Variants in ZBTB8B observed in about 807,000 individuals in gnomAD.
ZBTB8B encodes zinc finger and BTB domain-containing protein 8B.
Under a neutral mutation model 30.3 loss-of-function variants are expected in ZBTB8B, and 17 were observed. That is an observed-to-expected ratio of 0.56 (90% CI 0.38 to 0.84). The LOEUF is 0.84. ZBTB8B is among the 40% of genes least tolerant of loss of function. The probability of loss-of-function intolerance (pLI) is 0.00; values close to 1 mark genes in which losing one functional copy is unlikely to be tolerated. For synonymous variants in ZBTB8B, 248 were observed against 255.6 expected, an observed-to-expected ratio of 0.97 and a Z score of 0.28; for missense variants, 515 against 644.9, an observed-to-expected ratio of 0.80 and a Z score of 2.18.
At chr1:32,469,818 T>C (rs1328468764) in intron 1 of ZBTB8B, among the ~76,000 whole-genome samples, 1 of 152,206 alleles carries the variant, frequency 6.6e-6, no homozygotes, top group Non-Finnish European at 1.5e-5. Flanking sequence ...CAATTAGCTA[T>C]AGTTATTTTT....
In ZBTB8B at chr1:32,471,606, G is replaced by A; in HGVS notation, c.982G>A (p.Glu328Lys). The A allele has an allele frequency of 1.3e-6, 2 of 1,549,750 alleles. No individual in the cohort carries two copies. Among genetic ancestry groups the A allele is most frequent in the South Asian group, 2.4e-5 (2 of 84,046 alleles). ...GGATGTCCAGGCTGACTGGTATGGA[G>A]AGGACTCAGGTGAGCTCCCTTAGCA... is the stretch of plus-strand genomic sequence containing the variant. Reference protein sequence around the residue: ...MMDVQADWYGEDSGDVLVVPI... With the variant: ...MMDVQADWYGKDSGDVLVVPI... The change falls in exon 2 of 4, where the codon GAG becomes AAG. Residue 328 changes from glutamate to lysine, a missense_variant. Around this residue, in one of 3 missense-constraint regions of ZBTB8B, gnomAD observed 429 missense variants for 504.3 expected, o/e 0.85. Transcript: ENST00000609129.
At position 32,471,175 on chromosome 1, in the gene ZBTB8B, A is replaced by G. The variant is rs763795178; in HGVS notation, c.551A>G (p.Lys184Arg). The G allele has an allele frequency of 9.7e-5, 150 of 1,551,730 alleles. No homozygotes were observed. Among genetic ancestry groups the G allele is most frequent in the Non-Finnish European group, 1.2e-4 (139 of 1,147,038 alleles). ...GTCTCCTCTCCAGCCGAGGGAGAAA[A>G]GAGCGTGGAGTGCCTGAGAGAGTCC... Reference protein sequence around the residue: ...SLVSSPAEGEKSVECLRESPC... With the variant: ...SLVSSPAEGERSVECLRESPC... The change falls in exon 2 of 4, where the codon AAG becomes AGG. Residue 184 changes from lysine (K) to arginine (R), a missense_variant. Physicochemically the swap from Lys to Arg is conservative, Grantham distance 26. Transcript: ENST00000609129.
Position 32,484,692 on chromosome 1 carries a change from T to C in ZBTB8B, c.1171-409T>C, listed in dbSNP as rs936693864. On this transcript the variant is annotated intron_variant, in intron 3 of 3. Transcript: ENST00000609129. The surrounding 1 kb of genome is among the most constrained non-coding windows in gnomAD (Gnocchi z 4.5). ...TCCCTACTTGGTGCTGTCATCGTGATAGTGAGTTTTCATGAGATCTGGTTG... is the reference window on the plus strand; with the variant it reads ...TCCCTACTTGGTGCTGTCATCGTGACAGTGAGTTTTCATGAGATCTGGTTG... Among the ~76,000 whole-genome samples, 4 of 152,148 alleles carry C rather than the reference T, an allele frequency of 2.6e-5. No homozygotes were observed. Among genetic ancestry groups the C allele is most frequent in the Non-Finnish European group, 5.9e-5 (4 of 68,022 alleles).
At chr1:32,480,287 G>A (rs1052292298) in intron 2 of ZBTB8B, among the ~76,000 whole-genome samples, 3 of 151,488 alleles carry the variant, frequency 2.0e-5, no homozygotes, top group Admixed American at 2.0e-4. Flanking sequence ...GGGGTGAGAG[G>A]AATGGTGGGG....
Position 32,485,147 on chromosome 1 carries a change from C to T in ZBTB8B, c.1217C>T (p.Thr406Ile). ...ATCATCTGCAAGGGCTGCAGGAGAACATTCACGAGTCACCTGTCCCAGGGG... is the reference window on the plus strand; with the variant it reads ...ATCATCTGCAAGGGCTGCAGGAGAATATTCACGAGTCACCTGTCCCAGGGG... ...RPIICKGCRR[T>I]FTSHLSQGLR... The change falls in exon 4 of 4, where the codon ACA becomes ATA. Residue 406 changes from threonine to isoleucine, a missense_variant. Physicochemically the swap from Thr to Ile is moderately conservative, Grantham distance 89. Around this residue, in one of 3 missense-constraint regions of ZBTB8B, gnomAD observed 429 missense variants for 504.3 expected, o/e 0.85. Transcript: ENST00000609129. 1 of 1,552,148 alleles carries T rather than the reference C, an allele frequency of 6.4e-7. No individual in the cohort carries two copies. The highest frequency in any genetic ancestry group is 8.7e-7 in the Non-Finnish European group (1 of 1,147,108).
At position 32,485,252 on chromosome 1, in the gene ZBTB8B, A is replaced by G. The variant is rs866862254; in HGVS notation, c.1322A>G (p.Asn441Ser). 2.6e-6 allele frequency: 4 copies of G among 1,552,068 alleles called. No homozygotes were observed. The highest frequency in any genetic ancestry group is 3.5e-6 in the Non-Finnish European group (4 of 1,147,084). Residue 441 changes from asparagine to serine, a missense_variant, in exon 4 of 4, where the codon AAC becomes AGC. By Grantham distance (46) the Asn-to-Ser change is conservative. Around this residue, in one of 3 missense-constraint regions of ZBTB8B, gnomAD observed 429 missense variants for 504.3 expected, o/e 0.85. Transcript: ENST00000609129. ...GATGATGATGATTTGATGCCCATCA[A>G]CCTTAGCTTGGTGGAGGCTTCATCT... Reference protein sequence around the residue: ...PDDDDDLMPINLSLVEASSES... With the variant: ...PDDDDDLMPISLSLVEASSES...
intron 2 of ZBTB8B, among the ~76,000 whole-genome samples, chr1:32,477,535 G>A (rs541643976): frequency 6.6e-6 from 1 of 152,128 alleles, no homozygotes; most frequent in Admixed American, 6.5e-5. Context: ...TAAATAACAA[G>A]GAAGTTCCAC....
chr1:32,468,212 G>C (rs535729472), intron 1 of ZBTB8B, among the ~76,000 whole-genome samples: 61 of 152,266 alleles, frequency 4.0e-4, no homozygotes, highest in Non-Finnish European at 7.1e-4. Flanking sequence ...GGCACTGCTT[G>C]AGTTGGGGCT....
Position 32,488,472 on chromosome 1 carries a change from C to T in ZBTB8B, c.*3054C>T, listed in dbSNP as rs1643760215. On this transcript the variant is annotated 3_prime_UTR_variant, in exon 4 of 4. Transcript: ENST00000609129. ...CAGTGATTCCGTGACCTCTTCATAT[C>T]CCTGGGTAAAACATTTTACATTAGA... 6.6e-6 allele frequency: 1 copy of T among 152,176 alleles called. No homozygotes were observed. 9.4% of individuals were successfully genotyped at this position (152,176 alleles called of 1,614,324 possible).
rs369536746 is a variant in ZBTB8B at position 32,470,217 on chromosome 1, T to C, written c.-41-367T>C. Among the ~76,000 whole-genome samples the C allele has an allele frequency of 1.6e-4, 24 of 152,216 alleles. No homozygotes were observed. In the South Asian group the frequency reaches 5.0e-3, roughly 32 times the overall value. ...TTTAAAATTTTTAAAAGAAATCTTATTGGCCGGGCGTGGTGGCTCACGCCT... is the reference window on the plus strand; with the variant it reads ...TTTAAAATTTTTAAAAGAAATCTTACTGGCCGGGCGTGGTGGCTCACGCCT... On this transcript the variant is annotated intron_variant, in intron 1 of 3. Coordinates refer to ENST00000609129, the MANE Select transcript of ZBTB8B (RefSeq NM_001145720.2).
chr1:32,472,738 C>T (rs745644963), intron 2 of ZBTB8B, among the ~76,000 whole-genome samples: 3 of 152,128 alleles, frequency 2.0e-5, no homozygotes, highest in Non-Finnish European at 4.4e-5. Context: ...CTCAGCCTCC[C>T]GAGTAGCTGG....
In ZBTB8B at chr1:32,485,488, T is replaced by C; in HGVS notation, c.*70T>C. The stretch of plus-strand genomic sequence containing the variant: ...TCGTTCTGTTGTTGAAAGATACCAT[T>C]TGTCCAATTTTGTGGAACCCTGAGA... On this transcript the variant is annotated 3_prime_UTR_variant, in exon 4 of 4. Transcript: ENST00000609129. 1 of 1,441,408 alleles carries C rather than the reference T, an allele frequency of 6.9e-7. No homozygotes were observed. Among genetic ancestry groups the C allele is most frequent in the Non-Finnish European group, 9.4e-7 (1 of 1,068,328 alleles). 89.3% of individuals were successfully genotyped at this position (1,441,408 alleles called of 1,614,324 possible).
chr1:32,476,584 C>CT (rs1473308744), intron 2 of ZBTB8B, among the ~76,000 whole-genome samples: 1 of 152,036 alleles, frequency 6.6e-6, no homozygotes, highest in African/African-American at 2.4e-5. Flanking sequence ...CCAGAGGGAT[C>CT]TTTTAAATCT....
chr1:32,471,752 A>G (rs1335678596), intron 2 of ZBTB8B, 137 bp downstream of exon 2: 2 of 971,306 alleles, frequency 2.1e-6, no homozygotes, highest in Non-Finnish European at 3.0e-6. Context: ...CATCACCAGT[A>G]CCATCATCAT....
In ZBTB8B at chr1:32,481,079, C is replaced by T. The variant is rs758853992; in HGVS notation, c.1170+10C>T. 4.9e-5 allele frequency: 75 copies of T among 1,543,306 alleles called. No individual in the cohort carries two copies. In the South Asian group the frequency reaches 5.6e-4, roughly 12 times the overall value. Reference sequence around the variant, plus strand: ...GAGCCACGCACTGAGTGTAAGTGTTCGAGCTGGCCATGCCCTTGTGGCAAG... The same window carrying T: ...GAGCCACGCACTGAGTGTAAGTGTTTGAGCTGGCCATGCCCTTGTGGCAAG... On this transcript the variant is annotated intron_variant, in intron 3 of 3. Coordinates refer to ENST00000609129, the MANE Select transcript of ZBTB8B (RefSeq NM_001145720.2).
Position 32,471,335 on chromosome 1 carries a change from AGTGGAG to A in ZBTB8B, c.717_722del (p.Glu239_Val240del), listed in dbSNP as rs1376538295. ...CCAAGGTGGAATTTGATGCTGATGA[AGTGGAG>A]GTGGACGTTGGTGAACAGCTGCAGC... On this transcript the variant is annotated inframe_deletion, in exon 2 of 4. Coordinates refer to ENST00000609129, the MANE Select transcript of ZBTB8B (RefSeq NM_001145720.2). 3.2e-6 allele frequency: 5 copies of A among 1,551,816 alleles called. No homozygotes were observed. In the Middle Eastern group the frequency reaches 8.3e-4, roughly 259 times the overall value.
At chr1:32,472,663 G>C (rs948302610) in intron 2 of ZBTB8B, among the ~76,000 whole-genome samples, 2 of 152,210 alleles carry the variant, frequency 1.3e-5, no homozygotes, top group Admixed American at 1.3e-4. Flanking sequence ...ACCCAGGCTG[G>C]AGTGCAACGG....
Position 32,471,181 on chromosome 1 carries a change from T to C in ZBTB8B, c.557T>C (p.Val186Ala). 1 of 1,551,858 alleles carries C rather than the reference T, an allele frequency of 6.4e-7. No individual in the cohort carries two copies. The highest frequency in any genetic ancestry group is 1.2e-5 in the South Asian group (1 of 84,066). ...VSSPAEGEKS[V>A]ECLRESPCGD... ...TCTCCAGCCGAGGGAGAAAAGAGCG[T>C]GGAGTGCCTGAGAGAGTCCCCTTGC... The change falls in exon 2 of 4, where the codon GTG (valine) becomes GCG (alanine). Residue 186 changes from valine to alanine, a missense_variant. Around this residue, in one of 3 missense-constraint regions of ZBTB8B, gnomAD observed 429 missense variants for 504.3 expected, o/e 0.85. Transcript: ENST00000609129.
chr1:32,465,651 C>G lies in ZBTB8B; in HGVS notation c.-42+546C>G, dbSNP rs528572172. Reference sequence around the variant, plus strand: ...AAACTTCTCCAGTGTCCTTCTCCTCCGATCCATGCCTAAAAGAAAGGAGTG... The same window carrying G: ...AAACTTCTCCAGTGTCCTTCTCCTCGGATCCATGCCTAAAAGAAAGGAGTG... On this transcript the variant is annotated intron_variant, in intron 1 of 3. Transcript: ENST00000609129. This position sits in a 1 kb window ranked among gnomAD's most constrained non-coding sequence, Gnocchi z 4.1. 1.1e-4 allele frequency among the ~76,000 whole-genome samples: 17 copies of G among 152,188 alleles called. No homozygotes were observed. The highest frequency in any genetic ancestry group is 1.9e-4 in the Non-Finnish European group (13 of 68,042).
Sources: allele counts gnomAD v4.1 joint callset (sites outside exome capture counted in the v4.1 genomes callset), GRCh38; gene constraint gnomAD v4.1.1; regional missense constraint gnomAD v4.1.1; non-coding constraint Gnocchi (gnomAD v3.1); transcripts MANE v1.5; gene names NCBI Gene and HGNC (gene_info 2026-07-23, HGNC 2026-07-21).